Variants in CDH8 observed in about 807,000 individuals in gnomAD.
CDH8 encodes the protein cadherin-8.
In CDH8, 17 loss-of-function variants were observed where a neutral mutation model predicts 68.1. The ratio of observed to expected loss-of-function variants is 0.25; its 90% CI spans 0.17 to 0.37. The LOEUF (loss-of-function observed/expected upper bound fraction) is 0.37. Ranked by LOEUF, CDH8 falls within the 10% of genes least tolerant of loss-of-function variation. The probability of loss-of-function intolerance (pLI) is 1.00; values close to 1 mark genes in which losing one functional copy is unlikely to be tolerated. For synonymous variants in CDH8, 372 were observed against 365.1 expected, an observed-to-expected ratio of 1.02 and a Z score of -0.21; for missense variants, 763 against 999.3, an observed-to-expected ratio of 0.76 and a Z score of 3.19.
chr16:61,742,113 T>C (rs1959889241), intron 8 of CDH8, among the ~76,000 whole-genome samples: 1 of 152,186 alleles, frequency 6.6e-6, no homozygotes, highest in African/African-American at 2.4e-5. Context: ...CAGATTGTTT[T>C]GCTATGTAAT....
At chr16:61,979,190 G>T (rs754942497) in intron 2 of CDH8, among the ~76,000 whole-genome samples, 4 of 152,094 alleles carry the variant, frequency 2.6e-5, no homozygotes, top group African/African-American at 4.8e-5. Context: ...GCACATTTCA[G>T]ATATTAAAGA....
intron 8 of CDH8, among the ~76,000 whole-genome samples, chr16:61,757,959 T>C (rs557174174): frequency 1.2e-3 from 189 of 152,296 alleles, no homozygotes; most frequent in African/African-American, 4.4e-3. Context: ...TTTGAGTTCC[T>C]TGAAGTAAGG....
intron 4 of CDH8, among the ~76,000 whole-genome samples, chr16:61,829,310 G>C (rs959677198): frequency 2.0e-5 from 3 of 151,746 alleles, no homozygotes; most frequent in Non-Finnish European, 2.9e-5. Flanking sequence ...GCTAGCATCT[G>C]GTGCTGCATT....
intron 2 of CDH8, among the ~76,000 whole-genome samples, chr16:61,908,042 C>CAAAAAAAA: frequency 1.1e-5 from 1 of 91,608 alleles, no homozygotes; most frequent in Non-Finnish European, 2.2e-5. Flanking sequence ...GACTCAGTCT[C>CAAAAAAAA]AAAAAAAAAA....
At chr16:61,814,154 T>TCTCCC (rs1962020860) in intron 7 of CDH8, among the ~76,000 whole-genome samples, 2 of 152,194 alleles carry the variant, frequency 1.3e-5, no homozygotes, top group African/African-American at 4.8e-5. Context: ...TATTATCCCA[T>TCTCCC]ACGGAGGAGA....
chr16:61,898,808 C>T (rs1009778228), intron 3 of CDH8, among the ~76,000 whole-genome samples: 1 of 152,040 alleles, frequency 6.6e-6, no homozygotes, highest in African/African-American at 2.4e-5. Flanking sequence ...TCAACAATAT[C>T]GCTTCCATGT....
chr16:61,788,735 T>A (rs1206721468), intron 8 of CDH8, among the ~76,000 whole-genome samples: 1 of 151,642 alleles, frequency 6.6e-6, no homozygotes, highest in Non-Finnish European at 1.5e-5. Context: ...TAGACTCTCC[T>A]CCCCCATAAT....
At chr16:62,006,161 A>G (rs1165072720) in intron 2 of CDH8, among the ~76,000 whole-genome samples, 1 of 152,238 alleles carries the variant, frequency 6.6e-6, no homozygotes, top group African/African-American at 2.4e-5. Context: ...GGCTAATGCC[A>G]TCTTAGTCAT....
At chr16:61,891,769 AC>A (rs1963783135) in intron 3 of CDH8, among the ~76,000 whole-genome samples, 3 of 152,102 alleles carry the variant, frequency 2.0e-5, no homozygotes, top group Admixed American at 2.0e-4. Flanking sequence ...ATGATTTCCC[AC>A]CCATGTTTTC....
intron 7 of CDH8, among the ~76,000 whole-genome samples, chr16:61,790,684 T>TA (rs1294739675): frequency 6.6e-6 from 1 of 151,984 alleles, no homozygotes. Flanking sequence ...TATGCCATTA[T>TA]AAAAAAATAA....
At chr16:61,896,662 C>T (rs1963873447) in intron 3 of CDH8, among the ~76,000 whole-genome samples, 1 of 152,218 alleles carries the variant, frequency 6.6e-6, no homozygotes. Flanking sequence ...GCAGCCGCCT[C>T]TGCTTCCTTT....
At chr16:61,680,277 C>T (rs1451221231) in intron 10 of CDH8, among the ~76,000 whole-genome samples, 1 of 151,894 alleles carries the variant, frequency 6.6e-6, no homozygotes, top group Admixed American at 6.6e-5. Flanking sequence ...TCATGCAAAC[C>T]GTATCAATCT....
At chr16:61,919,020 C>T (rs1964309733) in intron 2 of CDH8, among the ~76,000 whole-genome samples, 2 of 147,542 alleles carry the variant, frequency 1.4e-5, no homozygotes, top group South Asian at 4.4e-4. Context: ...GACCCCCGAG[C>T]AGCCTAACTG....
intron 4 of CDH8, among the ~76,000 whole-genome samples, chr16:61,845,241 G>T (rs754288590): frequency 6.6e-6 from 1 of 152,014 alleles, no homozygotes; most frequent in African/African-American, 2.4e-5. Flanking sequence ...GTTTCACTTT[G>T]TAAACACAGT....
chr16:61,802,043 C>A (rs1348483970), intron 7 of CDH8, among the ~76,000 whole-genome samples: 1 of 144,746 alleles, frequency 6.9e-6, no homozygotes, highest in African/African-American at 2.7e-5. Flanking sequence ...ACAGCAGAAA[C>A]CTCTGCAGAC....
In CDH8 at chr16:61,653,078, GT is replaced by G; in HGVS notation, c.*529del. The G allele has an allele frequency of 3.1e-6, 4 of 1,295,652 alleles. No homozygotes were observed. The highest frequency in any genetic ancestry group is 3.9e-6 in the Non-Finnish European group (4 of 1,023,272). The allele number at this position is 1,295,652 out of a possible 1,614,324, so 80.3% of individuals were successfully genotyped here. On this transcript the variant is annotated 3_prime_UTR_variant, in exon 12 of 12. Transcript: ENST00000577390. ...ATGTACAATGTGTGGTCACCGTACT[GT>G]ATAATCTAGGAGGCCTCTCAAAACT...
intron 5 of CDH8, among the ~76,000 whole-genome samples, chr16:61,821,896 A>G (rs1962222616): frequency 1.3e-5 from 2 of 151,870 alleles, no homozygotes; most frequent in Admixed American, 6.6e-5. Context: ...GGCCATTGTT[A>G]CTGTAGTGTA....
chr16:61,909,730 A>G (rs1425727906), intron 2 of CDH8, among the ~76,000 whole-genome samples: 5 of 152,328 alleles, frequency 3.3e-5, no homozygotes, highest in African/African-American at 1.2e-4. Context: ...AGCCATGTGT[A>G]TGAAACCACA....
intron 2 of CDH8, among the ~76,000 whole-genome samples, chr16:61,992,954 T>TTG (rs797008575): frequency 4.6e-5 from 7 of 151,902 alleles, no homozygotes; most frequent in African/African-American, 1.2e-4. Context: ...CCTGACTAAT[T>TTG]TGTGTGTGTG....
Sources: gnomAD v4.1 joint callset for allele counts (sites outside exome capture counted in the v4.1 genomes callset) on GRCh38, gnomAD v4.1.1 for gene constraint, MANE v1.5 for transcripts, NCBI Gene and HGNC (gene_info 2026-07-23, HGNC 2026-07-21) for gene names.